PSMD11: variants seen among roughly 807,000 people sequenced by gnomAD.
PSMD11 encodes proteasome 26S subunit, non-ATPase 11, also known as 26S proteasome non-ATPase regulatory subunit 11.
A neutral mutation model predicts 62.3 loss-of-function variants in PSMD11; 5 were observed. The ratio of observed to expected loss-of-function variants is 0.08; its 90% CI spans 0.04 to 0.17. The LOEUF (loss-of-function observed/expected upper bound fraction) is 0.17, where lower values mean the gene tolerates loss of function less well. PSMD11 is among the 10% of genes least tolerant of loss of function. PSMD11 has a pLI of 1.00. For missense variants in PSMD11, 310 were observed against 512.9 expected, an observed-to-expected ratio of 0.60 and a Z score of 3.82; for synonymous variants, 191 against 191.8, an observed-to-expected ratio of 1.00 and a Z score of 0.03.
chr17:32,444,922 G>C (rs1194596889), intron 1 of PSMD11: 140 of 459,386 alleles, frequency 3.0e-4, no homozygotes, highest in Non-Finnish European at 8.5e-5. Flanking sequence ...CCCCGGCTCT[G>C]GCCCGCACGA....
rs754789160 is a variant in PSMD11 at position 32,479,279 on chromosome 17, G to A, written c.941G>A (p.Arg314Gln). The A allele has an allele frequency of 1.3e-5, 21 of 1,614,016 alleles. No individual in the cohort carries two copies. The highest frequency in any genetic ancestry group is 2.7e-5 in the African/African-American group (2 of 74,904). Residue 314 changes from arginine (R) to glutamine (Q), a missense_variant, in exon 10 of 14, where the codon CGG becomes CAG. Physicochemically the swap from Arg to Gln is conservative, Grantham distance 43 (BLOSUM62 1). Coordinates refer to ENST00000261712, the MANE Select transcript of PSMD11 (RefSeq NM_002815.4). ...CTGACAGATTACCGGGCAGAGCTCC[G>A]GGATGACCCAATCATCAGCACACAC... The part of the protein sequence containing the change: ...KALTDYRAEL[R>Q]DDPIISTHLA...
intron 2 of PSMD11, among the ~76,000 whole-genome samples, chr17:32,453,290 G>T (rs1003728879): frequency 9.2e-5 from 14 of 152,210 alleles, no homozygotes; most frequent in African/African-American, 3.4e-4. Context: ...GGACCTAAAA[G>T]GATATATAAG....
At chr17:32,473,661 C>A in intron 6 of PSMD11, 140 bp from the exon 7 acceptor site, 1 of 742,260 alleles carries the variant, frequency 1.3e-6, no homozygotes, top group Non-Finnish European at 2.2e-6. Flanking sequence ...ATGATCCTCC[C>A]ATCTCAGCCT....
chr17:32,474,492 A>G (rs1013623124), intron 7 of PSMD11, among the ~76,000 whole-genome samples: 4 of 152,214 alleles, frequency 2.6e-5, no homozygotes, highest in African/African-American at 7.2e-5. Flanking sequence ...ACTTAAACTT[A>G]TAGTTCTGCT....
chr17:32,469,348 G>A (rs1908091474), intron 6 of PSMD11, among the ~76,000 whole-genome samples, 155 bp downstream of exon 6: 1 of 152,142 alleles, frequency 6.6e-6, no homozygotes, highest in Non-Finnish European at 1.5e-5. Flanking sequence ...CTAACTAGCT[G>A]CTCCCCTCCT....
intron 6 of PSMD11, among the ~76,000 whole-genome samples, chr17:32,470,017 C>CT (rs879420943): frequency 8.0e-4 from 116 of 144,626 alleles, no homozygotes; most frequent in East Asian, 8.0e-4. Context: ...TTTGTTTTTA[C>CT]TTTTTTTTTT....
intron 5 of PSMD11, among the ~76,000 whole-genome samples, chr17:32,468,473 T>C (rs1908060628): frequency 1.3e-5 from 2 of 152,258 alleles, no homozygotes; most frequent in Admixed American, 6.5e-5. Context: ...TAAATTTATG[T>C]CTTTGATCCA....
At chr17:32,446,334 C>A (rs1048025267) in intron 1 of PSMD11, among the ~76,000 whole-genome samples, 2 of 152,156 alleles carry the variant, frequency 1.3e-5, no homozygotes, top group African/African-American at 4.8e-5. Flanking sequence ...TTTTAACAGA[C>A]CTCAATGCAT....
In PSMD11 at chr17:32,477,680, G is replaced by C. The variant is rs114031859; in HGVS notation, c.912+97G>C. Reference sequence around the variant, plus strand: ...TTTAAAAATAATTATAGTTTCAAAAGAAGTTGCAAATGATTCCATGTATCC... The same window carrying C: ...TTTAAAAATAATTATAGTTTCAAAACAAGTTGCAAATGATTCCATGTATCC... On this transcript the variant is annotated intron_variant, in intron 9 of 13. Coordinates refer to ENST00000261712, the MANE Select transcript of PSMD11 (RefSeq NM_002815.4). 5.6e-4 allele frequency: 667 copies of C among 1,187,164 alleles called. 1 individual carries two copies. The African/African-American group carries it at 9.2e-3, about 16-fold the overall frequency. 73.5% of individuals were successfully genotyped at this position (1,187,164 alleles called of 1,614,324 possible). A position where few individuals can be genotyped will look rare whatever the true frequency, so the allele number is the denominator to read the frequency against.
intron 1 of PSMD11, 125 bp downstream of exon 1, chr17:32,444,739 G>A: frequency 8.2e-7 from 1 of 1,217,090 alleles, no homozygotes; most frequent in Non-Finnish European, 1.1e-6. Flanking sequence ...GAGGGGGGCC[G>A]GGCCGGGGGC....
intron 3 of PSMD11, among the ~76,000 whole-genome samples, chr17:32,458,378 G>A (rs1907711271): frequency 6.6e-6 from 1 of 152,170 alleles, no homozygotes. Flanking sequence ...TGTCAGCCAT[G>A]TTGGATCCCT....
intron 6 of PSMD11, among the ~76,000 whole-genome samples, chr17:32,472,865 G>C (rs111950102): frequency 0.013 from 1,827 of 139,004 alleles, 32 homozygotes; most frequent in African/African-American, 0.047. Flanking sequence ...TTTTTTAAGA[G>C]ACAAGGTCGG....
chr17:32,451,835 C>T (rs1346435897), intron 2 of PSMD11, among the ~76,000 whole-genome samples: 2 of 152,162 alleles, frequency 1.3e-5, no homozygotes, highest in African/African-American at 4.8e-5. Context: ...ACCTCCTGGG[C>T]TCAAGCAGTG....
chr17:32,467,425 T>C (rs1908028817), intron 5 of PSMD11, among the ~76,000 whole-genome samples: 1 of 150,856 alleles, frequency 6.6e-6, no homozygotes, highest in African/African-American at 2.4e-5. Context: ...TGTATATTTT[T>C]AATAGAGACG....
Position 32,444,892 on chromosome 17 carries a change from G to A in PSMD11, c.91+278G>A, listed in dbSNP as rs1231216772. On this transcript the variant is annotated intron_variant, in intron 1 of 13. Coordinates refer to ENST00000261712, the MANE Select transcript of PSMD11 (RefSeq NM_002815.4). ...AGAGTGGGCCGAGCCGGGCCCCCGG[G>A]GATCCCTCCCTAGCCATGTCCCCGG... 7.7e-6 allele frequency: 4 copies of A among 517,296 alleles called. No individual in the cohort carries two copies. In the South Asian group the frequency reaches 9.3e-5, roughly 12 times the overall value. 32.0% of individuals were successfully genotyped at this position (517,296 alleles called of 1,614,324 possible).
At chr17:32,445,378 C>G (rs1907302188) in intron 1 of PSMD11, 1 of 152,174 alleles carries the variant, frequency 6.6e-6, no homozygotes, top group Admixed American at 6.5e-5. Flanking sequence ...TTGTCAGCCG[C>G]GGAGTTCAGG....
Position 32,444,589 on chromosome 17 carries a change from C to T in PSMD11, c.66C>T (p.Ala22=), listed in dbSNP as rs2150826493. The stretch of plus-strand genomic sequence containing the variant: ...CTCTACTCAGCACCGACCGGGAGGC[C>T]TCCATCGACATCCTCCACTCCATCG... ...AQSLLSTDRE[A]SIDILHSIVK... Residue 22 remains alanine (A), a synonymous_variant, in exon 1 of 14, where the codon GCC becomes GCT. Coordinates refer to ENST00000261712, the MANE Select transcript of PSMD11 (RefSeq NM_002815.4). The T allele has an allele frequency of 6.2e-7, 1 of 1,611,922 alleles. No homozygotes were observed. Among genetic ancestry groups the T allele is most frequent in the African/African-American group, 1.3e-5 (1 of 74,846 alleles).
At chr17:32,458,264 C>T (rs917096287) in intron 3 of PSMD11, among the ~76,000 whole-genome samples, 6 of 152,196 alleles carry the variant, frequency 3.9e-5, no homozygotes, top group Admixed American at 6.5e-5. Flanking sequence ...CAGTGGCTTT[C>T]CATTGCCTGC....
At chr17:32,476,311 G>A (rs911343871) in intron 8 of PSMD11, among the ~76,000 whole-genome samples, 1 of 152,148 alleles carries the variant, frequency 6.6e-6, no homozygotes, top group African/African-American at 2.4e-5. Flanking sequence ...ACTATAACTA[G>A]AGTTGAGGAG....
Sources: allele counts gnomAD v4.1 joint callset (sites outside exome capture counted in the v4.1 genomes callset), GRCh38; gene constraint gnomAD v4.1.1; transcripts MANE v1.5; gene names NCBI Gene and HGNC (gene_info 2026-07-23, HGNC 2026-07-21).